Variants in C10orf90 observed in about 807,000 individuals in gnomAD.
C10orf90 encodes (E2-independent) E3 ubiquitin-conjugating enzyme FATS.
A neutral mutation model predicts 62.5 loss-of-function variants in C10orf90; 56 were observed. The observed-to-expected ratio is 0.90, with a 90% CI of 0.72 to 1.12. C10orf90 has a LOEUF of 1.12. Among genes scored for constraint, C10orf90 ranks in the 50% most tolerant of loss-of-function variants. The probability of loss-of-function intolerance (pLI) is 0.00; values close to 1 mark genes in which losing one functional copy is unlikely to be tolerated. For missense variants in C10orf90, 970 were observed against 880.4 expected (o/e 1.10, Z -1.29); for synonymous variants, 386 against 340.4 (o/e 1.13, Z -1.47).
intron 2 of C10orf90, among the ~76,000 whole-genome samples, chr10:126,617,710 T>G (rs1845569578): frequency 6.6e-6 from 1 of 152,252 alleles, no homozygotes; most frequent in African/African-American, 2.4e-5. Flanking sequence ...CCCATGTCCT[T>G]GTCTGTGTCC....
At chr10:126,667,963 A>G (rs1333518373) in intron 1 of C10orf90, among the ~76,000 whole-genome samples, 2 of 152,156 alleles carry the variant, frequency 1.3e-5, no homozygotes, top group Non-Finnish European at 2.9e-5. Flanking sequence ...GGTAACTTTC[A>G]GTGCAGCAGG....
chr10:126,491,289 T>C (rs994534062), intron 4 of C10orf90, among the ~76,000 whole-genome samples: 3 of 152,180 alleles, frequency 2.0e-5, no homozygotes, highest in Admixed American at 6.5e-5. Context: ...GACAGAAAGA[T>C]CAGTGGTTTC....
chr10:126,635,440 A>G (rs1462460220), intron 2 of C10orf90, among the ~76,000 whole-genome samples: 1 of 152,198 alleles, frequency 6.6e-6, no homozygotes, highest in East Asian at 1.9e-4. Context: ...GCACCAAGAT[A>G]ATCACATTCG....
chr10:126,651,564 A>C (rs554351215), intron 1 of C10orf90, among the ~76,000 whole-genome samples: 2 of 152,274 alleles, frequency 1.3e-5, no homozygotes, highest in South Asian at 2.1e-4. Context: ...ATGAATACTC[A>C]TCGCCAGCTT....
At chr10:126,580,652 CAAA>C (rs58927719) in intron 2 of C10orf90, among the ~76,000 whole-genome samples, 2 of 134,944 alleles carry the variant, frequency 1.5e-5, no homozygotes, top group African/African-American at 2.8e-5. Context: ...GGCTCTGTCT[CAAA>C]AAAAAAAAAA....
intron 2 of C10orf90, among the ~76,000 whole-genome samples, chr10:126,547,281 T>A (rs1864518909): frequency 6.6e-6 from 1 of 150,912 alleles, no homozygotes; most frequent in Non-Finnish European, 1.5e-5. Flanking sequence ...TAGCCGGGCG[T>A]GGTGGCGGGC....
intron 4 of C10orf90, among the ~76,000 whole-genome samples, chr10:126,479,677 A>G (rs1861071068): frequency 6.6e-6 from 1 of 152,190 alleles, no homozygotes; most frequent in Admixed American, 6.5e-5. Context: ...CTCCATGAAG[A>G]CGCCTTTCTC....
intron 7 of C10orf90, among the ~76,000 whole-genome samples, chr10:126,457,519 C>G (rs183718547): frequency 7.2e-5 from 11 of 152,326 alleles, no homozygotes; most frequent in African/African-American, 2.6e-4. Context: ...TGTTTCTTCC[C>G]AAAGTGAAGG....
chr10:126,572,965 A>G (rs1053930095), intron 2 of C10orf90, among the ~76,000 whole-genome samples: 51 of 152,148 alleles, frequency 3.4e-4, no homozygotes, highest in South Asian at 2.1e-4. Flanking sequence ...CTGTCTATGG[A>G]GTAGCCATTC....
chr10:126,586,554 G>A (rs1844874455), intron 2 of C10orf90, among the ~76,000 whole-genome samples: 1 of 152,114 alleles, frequency 6.6e-6, no homozygotes, highest in African/African-American at 2.4e-5. Flanking sequence ...CTTCGAAATG[G>A]CCATTTACAT....
chr10:126,634,551 C>A (rs1219253292), intron 2 of C10orf90, among the ~76,000 whole-genome samples: 1 of 152,014 alleles, frequency 6.6e-6, no homozygotes. Context: ...TACAACATTG[C>A]ACCTAGAGTC....
intron 2 of C10orf90, among the ~76,000 whole-genome samples, chr10:126,631,228 A>G (rs777796272): frequency 4.6e-4 from 70 of 152,098 alleles, no homozygotes; most frequent in Non-Finnish European, 8.5e-4. Flanking sequence ...AAAACTCGCC[A>G]CTGTTACCTC....
chr10:126,665,264 G>C (rs965003222), intron 1 of C10orf90, among the ~76,000 whole-genome samples: 2 of 152,160 alleles, frequency 1.3e-5, no homozygotes, highest in African/African-American at 2.4e-5. Context: ...CAGGGGGAAA[G>C]GTGAGACTCC....
At chr10:126,607,751 T>C (rs1362296844) in intron 2 of C10orf90, among the ~76,000 whole-genome samples, 1 of 152,154 alleles carries the variant, frequency 6.6e-6, no homozygotes, top group East Asian at 1.9e-4. Context: ...GGATAAAAGA[T>C]CCATCCAAAG....
chr10:126,503,239 T>A (rs1244673672), intron 4 of C10orf90, among the ~76,000 whole-genome samples: 1 of 152,118 alleles, frequency 6.6e-6, no homozygotes, highest in Non-Finnish European at 1.5e-5. Context: ...CCAAGAAAGG[T>A]GCAGAGTCCT....
intron 2 of C10orf90, among the ~76,000 whole-genome samples, chr10:126,626,177 C>A (rs1489021204): frequency 6.6e-6 from 1 of 151,122 alleles, no homozygotes; most frequent in Non-Finnish European, 1.5e-5. Flanking sequence ...CCGTTGATTT[C>A]CTGGTAAATA....
intron 4 of C10orf90, among the ~76,000 whole-genome samples, chr10:126,465,381 G>A (rs1054620135): frequency 2.0e-5 from 3 of 151,244 alleles, no homozygotes; most frequent in Admixed American, 1.3e-4. Flanking sequence ...TCTGTAATCA[G>A]TTTATTTCTA....
intron 2 of C10orf90, among the ~76,000 whole-genome samples, chr10:126,632,004 G>T (rs1157909254): frequency 1.3e-5 from 2 of 152,064 alleles, no homozygotes; most frequent in Admixed American, 6.5e-5. Flanking sequence ...TGGCCTTGGA[G>T]AGCAGCCCCA....
intron 2 of C10orf90, among the ~76,000 whole-genome samples, chr10:126,554,181 T>A (rs977287586): frequency 6.6e-6 from 1 of 152,294 alleles, no homozygotes; most frequent in East Asian, 1.9e-4. Flanking sequence ...TGGAATATTA[T>A]GCAGCTATGA....
Sources: allele counts gnomAD v4.1 joint callset (sites outside exome capture counted in the v4.1 genomes callset), GRCh38; gene constraint gnomAD v4.1.1; transcripts MANE v1.5; gene names NCBI Gene and HGNC (gene_info 2026-07-23, HGNC 2026-07-21).